COL24A1: variants seen among roughly 807,000 people sequenced by gnomAD.
COL24A1 encodes the protein collagen alpha-1(XXIV) chain.
In COL24A1, 224 loss-of-function variants were observed where a neutral mutation model predicts 253.9. The observed-to-expected ratio is 0.88, with a 90% CI of 0.79 to 0.99. The LOEUF is 0.99. COL24A1 is among the 50% of genes least tolerant of loss of function. The pLI is 0.00. For synonymous variants in COL24A1, 685 were observed against 673.7 expected (o/e 1.02, Z -0.26); for missense variants, 2,131 against 2,068.5 (o/e 1.03, Z -0.59).
At chr1:86,011,961 G>A (rs1291473337) in intron 19 of COL24A1, among the ~76,000 whole-genome samples, 1 of 151,926 alleles carries the variant, frequency 6.6e-6, no homozygotes, top group Non-Finnish European at 1.5e-5. Flanking sequence ...ACATTTTTGA[G>A]ATTGGCCCTG....
chr1:86,083,151 A>G (rs548666188), intron 7 of COL24A1, among the ~76,000 whole-genome samples: 3 of 152,078 alleles, frequency 2.0e-5, no homozygotes, highest in African/African-American at 7.2e-5. Context: ...CAAAAAAATT[A>G]GCCAGGGGTG....
intron 10 of COL24A1, 72 bp downstream of exon 10, chr1:86,057,859 C>A (rs1455745308): frequency 1.0e-5 from 14 of 1,354,404 alleles, no homozygotes; most frequent in Non-Finnish European, 1.4e-5. Flanking sequence ...TGTAAAAATG[C>A]TAAGTGTTTT....
chr1:85,762,157 C>T (rs907168998), intron 53 of COL24A1, among the ~76,000 whole-genome samples: 5 of 152,116 alleles, frequency 3.3e-5, no homozygotes, highest in East Asian at 1.9e-4. Context: ...GTTAAAAATG[C>T]TCAAAGGCCC....
intron 2 of COL24A1, among the ~76,000 whole-genome samples, chr1:86,139,335 T>C (rs967970235): frequency 3.3e-5 from 5 of 152,124 alleles, no homozygotes; most frequent in Non-Finnish European, 7.4e-5. Flanking sequence ...CAATTGACTC[T>C]GTGGGGGGAA....
chr1:85,981,559 A>G (rs1029977534), intron 20 of COL24A1, among the ~76,000 whole-genome samples: 1 of 152,084 alleles, frequency 6.6e-6, no homozygotes, highest in Non-Finnish European at 1.5e-5. Context: ...ATAACACTGG[A>G]AAAAAATCTT....
At chr1:85,740,953 C>CAAAAAAAAAAAAAA (rs774839476) in intron 57 of COL24A1, among the ~76,000 whole-genome samples, 5 of 83,032 alleles carry the variant, frequency 6.0e-5, no homozygotes, top group Admixed American at 2.9e-4. Flanking sequence ...TCTAAAAATA[C>CAAAAAAAAAAAAAA]AAAAAAAAAA....
At chr1:86,019,234 C>T (rs1697266411) in intron 18 of COL24A1, among the ~76,000 whole-genome samples, 1 of 152,080 alleles carries the variant, frequency 6.6e-6, no homozygotes, top group African/African-American at 2.4e-5. Context: ...GGAAAGGTTT[C>T]CTGGTCAAAC....
chr1:85,979,059 T>G (rs987915129), intron 20 of COL24A1, among the ~76,000 whole-genome samples: 4 of 151,998 alleles, frequency 2.6e-5, no homozygotes, highest in African/African-American at 9.7e-5. Flanking sequence ...TACAAACACA[T>G]GAAAATTAAA....
Position 85,907,250 on chromosome 1 carries a change from A to G in COL24A1, c.2725-3T>C, listed in dbSNP as rs1396261704. On this transcript the variant is annotated splice_region_variant and splice_polypyrimidine_tract_variant and intron_variant, in intron 27 of 59. Coordinates refer to ENST00000370571, the MANE Select transcript of COL24A1 (RefSeq NM_152890.7). ...GGTCCTCTTGCCCCCACATGACCCT[A>G]TATGTTGTAAATTTAAAGTCAGTTG... 8.7e-6 allele frequency: 14 copies of G among 1,609,458 alleles called. No homozygotes were observed. Among genetic ancestry groups the G allele is most frequent in the Non-Finnish European group, 1.1e-5 (13 of 1,176,722 alleles).
At chr1:86,040,313 AT>A (rs1699372560) in intron 12 of COL24A1, among the ~76,000 whole-genome samples, 3 of 150,958 alleles carry the variant, frequency 2.0e-5, no homozygotes, top group Admixed American at 2.0e-4. Flanking sequence ...TCTTTTCTTA[AT>A]TTTATTTATT....
At chr1:85,863,962 C>A (rs1029892809) in intron 37 of COL24A1, among the ~76,000 whole-genome samples, 38 of 152,066 alleles carry the variant, frequency 2.5e-4, no homozygotes, top group African/African-American at 7.5e-4. Flanking sequence ...GGGACTGTAA[C>A]CTAGTTCAAC....
intron 12 of COL24A1, chr1:86,045,712 T>C: frequency 3.3e-6 from 1 of 307,316 alleles, no homozygotes; most frequent in African/African-American, 2.2e-5. Flanking sequence ...CATTATAAGA[T>C]TAGCTTCTAC....
chr1:86,001,251 G>T (rs1332535766), intron 19 of COL24A1, among the ~76,000 whole-genome samples: 1 of 152,194 alleles, frequency 6.6e-6, no homozygotes, highest in African/African-American at 2.4e-5. Flanking sequence ...CATTTGCTCA[G>T]CTGGTCTTTA....
At chr1:86,134,553 G>C (rs80286932) in intron 2 of COL24A1, among the ~76,000 whole-genome samples, 141,371 of 147,038 alleles carry the variant, frequency 0.96, 68,134 homozygotes, top group Non-Finnish European at 1. Context: ...GTTGTGTCTT[G>C]GTTCTCGTTG....
rs368306760 is a variant in COL24A1 at position 85,745,425 on chromosome 1, A to G, written c.4503+16T>C. ...TTGAGAGACAGTGCCAATATAAATA[A>G]AACCAGATATGTTACCTCCATCTGT... On this transcript the variant is annotated intron_variant, in intron 56 of 59. Coordinates refer to ENST00000370571, the MANE Select transcript of COL24A1 (RefSeq NM_152890.7). The G allele has an allele frequency of 2.5e-6, 4 of 1,591,052 alleles. No homozygotes were observed. Among genetic ancestry groups the G allele is most frequent in the Non-Finnish European group, 3.4e-6 (4 of 1,167,930 alleles).
At chr1:85,841,373 A>C (rs1193133158) in intron 41 of COL24A1, 95 bp from the exon 42 acceptor site, 9 of 821,468 alleles carry the variant, frequency 1.1e-5, no homozygotes, top group African/African-American at 3.6e-5. Flanking sequence ...TAGAAAATGC[A>C]GTTTGATGTT....
At chr1:86,127,405 G>T (rs17128868) in intron 2 of COL24A1, among the ~76,000 whole-genome samples, 7,016 of 151,974 alleles carry the variant, frequency 0.046, 554 homozygotes, top group African/African-American at 0.16. Context: ...TTCATTATTG[G>T]ATCTCTTCAG....
intron 24 of COL24A1, among the ~76,000 whole-genome samples, chr1:85,914,825 C>T (rs116258726): frequency 2.0e-3 from 302 of 152,256 alleles, no homozygotes; most frequent in African/African-American, 7.0e-3. Flanking sequence ...ACTTTACATC[C>T]TCTTCTGGAA....
intron 21 of COL24A1, 58 bp downstream of exon 21, chr1:85,971,282 A>C (rs1317614259): frequency 6.9e-7 from 1 of 1,453,474 alleles, no homozygotes; most frequent in African/African-American, 1.4e-5. Flanking sequence ...ATAAATAAAA[A>C]GGGAAAATTT....
Sources: allele counts gnomAD v4.1 joint callset (sites outside exome capture counted in the v4.1 genomes callset), GRCh38; gene constraint gnomAD v4.1.1; transcripts MANE v1.5; gene names NCBI Gene and HGNC (gene_info 2026-07-23, HGNC 2026-07-21).